The following PHF21B variants were observed in gnomAD, a reference collection of about 807,000 sequenced individuals.
PHF21B encodes the protein PHD finger protein 21B, also known as PHD finger protein 4.
In PHF21B, 22 loss-of-function variants were observed where a neutral mutation model predicts 62.2. The ratio of observed to expected loss-of-function variants is 0.35; its 90% confidence interval spans 0.25 to 0.51. The LOEUF is 0.51. Among genes scored for constraint, PHF21B ranks in the 20% least tolerant of loss-of-function variants. The pLI is 0.97. For synonymous variants in PHF21B, 341 were observed against 314.7 expected (o/e 1.08, Z -0.88); for missense variants, 701 against 707.9 (o/e 0.99, Z 0.11).
rs945696109 is a variant in PHF21B at position 44,883,274 on chromosome 22, C to T, written c.1408G>A (p.Ala470Thr). 10 of 1,613,788 alleles carry T rather than the reference C, an allele frequency of 6.2e-6. No homozygotes were observed. The highest frequency in any genetic ancestry group is 8.5e-6 in the Non-Finnish European group (10 of 1,179,914). Residue 470 changes from alanine (A) to threonine (T), a missense_variant, in exon 13 of 13, where the codon GCC becomes ACC. Physicochemically the swap from Ala to Thr is moderately conservative, Grantham distance 58 (BLOSUM62 0). Coordinates refer to ENST00000313237, the MANE Select transcript of PHF21B (RefSeq NM_138415.5). ...GATGACTGGGTGCCCCTCTGGCGGGCCAGCAGGCTTGTCTTCAACTCCAGG... is the reference window on the plus strand; with the variant it reads ...GATGACTGGGTGCCCCTCTGGCGGGTCAGCAGGCTTGTCTTCAACTCCAGG... Reference protein sequence around the residue: ...KCLELKTSLLARQRGTQSSLD... With the variant: ...KCLELKTSLLTRQRGTQSSLD...
At chr22:44,943,214 C>T (rs1264540195) in intron 2 of PHF21B, among the ~76,000 whole-genome samples, 1 of 152,172 alleles carries the variant, frequency 6.6e-6, no homozygotes, top group African/African-American at 2.4e-5. Flanking sequence ...AAAGAGCTGC[C>T]TGTAGTCCCT....
chr22:44,945,825 G>C (rs1349444942), intron 2 of PHF21B, among the ~76,000 whole-genome samples: 1 of 152,120 alleles, frequency 6.6e-6, no homozygotes, highest in East Asian at 1.9e-4. Context: ...AAAGGGGGCT[G>C]AGTGCCTCCC....
intron 2 of PHF21B, among the ~76,000 whole-genome samples, chr22:44,947,131 TCCCCATGAGAAG>T (rs2072089869): frequency 6.6e-6 from 1 of 152,194 alleles, no homozygotes; most frequent in African/African-American, 2.4e-5. Context: ...GCAGAGCCCT[TCCCCATGAGAAG>T]CCTGGCCTTG....
rs2070889052 is a variant in PHF21B, at chr22:44,887,939, AG to A, written c.1197+23del. The A allele has an allele frequency of 3.5e-6, 5 of 1,443,268 alleles. No homozygotes were observed. In the East Asian group the frequency reaches 7.9e-5, roughly 23 times the overall value. The allele number at this position is 1,443,268 out of a possible 1,614,324, so 89.4% of individuals were successfully genotyped here. A position where few individuals can be genotyped will look rare whatever the true frequency, so the allele number is the denominator to read the frequency against. On this transcript the variant is annotated intron_variant, in intron 10 of 12. Coordinates refer to ENST00000313237, the MANE Select transcript of PHF21B (RefSeq NM_138415.5). The stretch of plus-strand genomic sequence containing the variant: ...GGGACCTCCATGCCAGTCTGGGGTG[AG>A]GGGGTCACACAGCCTCCTGTACCTT...
chr22:44,886,022 G>A, intron 10 of PHF21B, 84 bp from the exon 11 acceptor site: 3 of 1,331,342 alleles, frequency 2.3e-6, no homozygotes, highest in Non-Finnish European at 2.1e-6. Context: ...GTAACCCTGA[G>A]GGGGCACGCC....
At chr22:44,933,354 G>T in intron 2 of PHF21B, 1 of 635,492 alleles carries the variant, frequency 1.6e-6, no homozygotes. Context: ...CAGGGGATCC[G>T]TCCGCCTCGG....
chr22:44,995,416 G>T (rs1403450715), intron 2 of PHF21B, among the ~76,000 whole-genome samples: 7 of 152,120 alleles, frequency 4.6e-5, no homozygotes, highest in Non-Finnish European at 1.0e-4. Flanking sequence ...TGTGTGGGGG[G>T]CTGGGGGACG....
rs189598090 is a variant in PHF21B, at chr22:44,901,994, G to A, written c.832-5911C>T. ...CCTTCAGCCAGCATGGGAGAAAATT[G>A]TAAGCCAGCATCACCCCTGGGACCT... On this transcript the variant is annotated intron_variant, in intron 5 of 12. Coordinates refer to ENST00000313237, the MANE Select transcript of PHF21B (RefSeq NM_138415.5). 3 of 217,148 alleles carry A rather than the reference G, an allele frequency of 1.4e-5. No individual in the cohort carries two copies. In the Admixed American group the frequency reaches 1.5e-4, roughly 11 times the overall value. The allele number at this position is 217,148 out of a possible 1,614,324, so 13.5% of individuals were successfully genotyped here.
intron 2 of PHF21B, among the ~76,000 whole-genome samples, chr22:44,930,827 C>T (rs1267000541): frequency 6.6e-6 from 1 of 152,246 alleles, no homozygotes; most frequent in Non-Finnish European, 1.5e-5. Flanking sequence ...CCCCCAACCC[C>T]GAGGTACTGA....
At chr22:44,944,949 T>C (rs1346459974) in intron 2 of PHF21B, among the ~76,000 whole-genome samples, 2 of 152,230 alleles carry the variant, frequency 1.3e-5, no homozygotes, top group African/African-American at 4.8e-5. Context: ...GAGCCTTCGT[T>C]TCCTCCTCTG....
rs1473866083 is a variant in PHF21B at position 44,891,379 on chromosome 22, A to C, written c.961-19T>G. ...GTTTCCTCTGCAGGGACAGAAAACA[A>C]AACAACACACCCCATCATCTGGAGG... On this transcript the variant is annotated intron_variant, in intron 7 of 12. Transcript: ENST00000313237. 4 of 1,612,680 alleles carry C rather than the reference A, an allele frequency of 2.5e-6. No homozygotes were observed. Among genetic ancestry groups the C allele is most frequent in the Non-Finnish European group, 3.4e-6 (4 of 1,179,596 alleles).
rs756031278 is a variant in PHF21B, at chr22:44,914,073, G to A, written c.580C>T (p.Leu194Phe). The change falls in exon 5 of 13, where the codon CTC (leucine) becomes TTC (phenylalanine). Residue 194 changes from leucine to phenylalanine, a missense_variant. Coordinates refer to ENST00000313237, the MANE Select transcript of PHF21B (RefSeq NM_138415.5). ...SADNKPPPRLLSSPHPATHHC... is the reference protein window; with the variant it reads ...SADNKPPPRLFSSPHPATHHC... ...TGGGTTGCGGGGTGAGGGGAAGAGA[G>A]GAGGCGTGGAGGAGGCTGGAGAGCG... The A allele has an allele frequency of 8.9e-7, 1 of 1,129,942 alleles. No homozygotes were observed. Among genetic ancestry groups the A allele is most frequent in the Non-Finnish European group, 1.3e-6 (1 of 778,758 alleles). The allele number at this position is 1,129,942 out of a possible 1,614,324, so 70.0% of individuals were successfully genotyped here. A position where few individuals can be genotyped will look rare whatever the true frequency, so the allele number is the denominator to read the frequency against.
At chr22:44,886,089 A>G (rs2070852349) in intron 10 of PHF21B, 151 bp from the exon 11 acceptor site, 1 of 651,170 alleles carries the variant, frequency 1.5e-6, no homozygotes. Flanking sequence ...CACATGCCTC[A>G]TGGCCCAGCT....
intron 5 of PHF21B, among the ~76,000 whole-genome samples, chr22:44,905,076 C>A (rs2071224899): frequency 6.6e-6 from 1 of 152,190 alleles, no homozygotes; most frequent in Non-Finnish European, 1.5e-5. Flanking sequence ...CTACTTTTGA[C>A]TTAAAAACTC....
chr22:44,930,765 A>T (rs1006459718), intron 2 of PHF21B, among the ~76,000 whole-genome samples: 3 of 134,716 alleles, frequency 2.2e-5, no homozygotes, highest in Non-Finnish European at 4.7e-5. Context: ...ACCTCTTCTG[A>T]CAGGATAGGT....
chr22:44,885,893 T>C lies in PHF21B; in HGVS notation c.1243A>G (p.Ile415Val), dbSNP rs2070848805. 2 of 1,613,974 alleles carry C rather than the reference T, an allele frequency of 1.2e-6. No individual in the cohort carries two copies. The highest frequency in any genetic ancestry group is 8.5e-7 in the Non-Finnish European group (1 of 1,179,992). ...EGVPWTGMLAIVHSYVTHKTV... is the reference protein window; with the variant it reads ...EGVPWTGMLAVVHSYVTHKTV... ...TTGTGGGTGACATAAGAGTGCACGA[T>C]GGCCAGCATCCCAGTCCAGGGCACA... The change falls in exon 11 of 13, where the codon ATC (isoleucine) becomes GTC (valine). Residue 415 changes from isoleucine (I) to valine (V), a missense_variant. By Grantham distance (29) the Ile-to-Val change is conservative. Transcript: ENST00000313237.
rs141611201 is a variant in PHF21B, at chr22:44,918,442, A to G, written c.214-1812T>C. Among the ~76,000 whole-genome samples the G allele has an allele frequency of 1.1e-3, 171 of 152,298 alleles. 1 individual carries two copies. Among genetic ancestry groups the G allele is most frequent in the African/African-American group, 3.9e-3 (163 of 41,572 alleles). On this transcript the variant is annotated intron_variant, in intron 3 of 12. Coordinates refer to ENST00000313237, the MANE Select transcript of PHF21B (RefSeq NM_138415.5). ...ATCTGGCCTGAGCCACCCCACAGAG[A>G]ACACCTTCAGGGGACCTTGGAGCTT...
chr22:44,967,744 C>T (rs969955371), intron 2 of PHF21B, among the ~76,000 whole-genome samples: 6 of 152,136 alleles, frequency 3.9e-5, no homozygotes, highest in Non-Finnish European at 8.8e-5. Flanking sequence ...TTGTTTCTCC[C>T]AATGTCCTTT....
intron 2 of PHF21B, among the ~76,000 whole-genome samples, chr22:45,007,594 G>GAGGC (rs1426604437): frequency 6.9e-6 from 1 of 144,354 alleles, no homozygotes; most frequent in Non-Finnish European, 1.5e-5. Context: ...CGGAGGGAGG[G>GAGGC]AGGGGCGCCG....
Sources: allele counts gnomAD v4.1 joint callset (sites outside exome capture counted in the v4.1 genomes callset), GRCh38; gene constraint gnomAD v4.1.1; transcripts MANE v1.5; gene names NCBI Gene and HGNC (gene_info 2026-07-23, HGNC 2026-07-21).